CALN1: variants seen among roughly 807,000 people sequenced by gnomAD.
CALN1 encodes calcium-binding protein 8.
In CALN1, 17 loss-of-function variants were observed where a neutral mutation model predicts 30.6. The observed-to-expected ratio is 0.56, with a 90% CI of 0.38 to 0.83. The LOEUF (loss-of-function observed/expected upper bound fraction) is 0.83. CALN1 is among the 40% of genes least tolerant of loss of function. CALN1 has a pLI of 0.00. For synonymous variants in CALN1, 156 were observed against 131.4 expected (o/e 1.19, Z -1.28); for missense variants, 291 against 354.9 (o/e 0.82, Z 1.45).
At chr7:72,407,332 C>G (rs1393014022) in intron 1 of CALN1, among the ~76,000 whole-genome samples, 2 of 152,154 alleles carry the variant, frequency 1.3e-5, no homozygotes, top group African/African-American at 4.8e-5. Flanking sequence ...CATATGCTAG[C>G]CACCTGATAC....
At chr7:72,297,332 G>C (rs1798934968) in intron 2 of CALN1, among the ~76,000 whole-genome samples, 2 of 152,084 alleles carry the variant, frequency 1.3e-5, no homozygotes, top group Non-Finnish European at 2.9e-5. Flanking sequence ...AGGAAATAAT[G>C]AAAGTGAATT....
chr7:72,344,828 A>G (rs1165130506), intron 2 of CALN1, among the ~76,000 whole-genome samples: 1 of 147,674 alleles, frequency 6.8e-6, no homozygotes, highest in Non-Finnish European at 1.5e-5. Flanking sequence ...TAAATATTAT[A>G]CATTAAAAAA....
At chr7:72,106,854 A>AGGGG (rs1807192616) in intron 3 of CALN1, among the ~76,000 whole-genome samples, 3 of 82,308 alleles carry the variant, frequency 3.6e-5, no homozygotes, top group Admixed American at 1.1e-4. Context: ...AGGAGGAGGG[A>AGGGG]AGGAAGGAGG....
intron 5 of CALN1, among the ~76,000 whole-genome samples, chr7:71,953,103 C>A (rs893016439): frequency 6.6e-6 from 1 of 151,998 alleles, no homozygotes; most frequent in Non-Finnish European, 1.5e-5. Flanking sequence ...ACTACAGGCA[C>A]GCACCACTAC....
chr7:72,356,392 G>A (rs1803231124), intron 2 of CALN1, among the ~76,000 whole-genome samples: 1 of 151,964 alleles, frequency 6.6e-6, no homozygotes, highest in South Asian at 2.1e-4. Flanking sequence ...CAAAATGTAG[G>A]AATGGGGTAA....
intron 3 of CALN1, among the ~76,000 whole-genome samples, chr7:72,278,471 G>GCACACA (rs1562830253): frequency 1.7e-4 from 16 of 93,224 alleles, no homozygotes; most frequent in Middle Eastern, 4.6e-3. Context: ...TATCAGGTCT[G>GCACACA]TACACACACA....
chr7:72,482,893 ATGCTTT>A, the CALN1 span, among the ~76,000 whole-genome samples: 1 of 152,116 alleles, frequency 6.6e-6, no homozygotes, highest in East Asian at 1.9e-4. Context: ...TATTGCAGAT[ATGCTTT>A]TTGATTAATT....
At chr7:71,820,031 A>G (rs1472469811) in intron 5 of CALN1, among the ~76,000 whole-genome samples, 1 of 152,182 alleles carries the variant, frequency 6.6e-6, no homozygotes, top group Admixed American at 6.5e-5. Context: ...CCAAATATTA[A>G]AGTTAATTAA....
intron 3 of CALN1, among the ~76,000 whole-genome samples, chr7:72,182,769 T>TAA (rs111446877): frequency 0.43 from 60,898 of 142,910 alleles, 13,751 homozygotes; most frequent in East Asian, 0.93. Context: ...ACCAATGTTG[T>TAA]AAAAAAAAAA....
the CALN1 span, among the ~76,000 whole-genome samples, chr7:72,460,209 AG>A: frequency 6.6e-6 from 1 of 152,184 alleles, no homozygotes; most frequent in African/African-American, 2.4e-5. Context: ...ACCTCCCACC[AG>A]GCCCCACCTC....
the CALN1 span, among the ~76,000 whole-genome samples, chr7:72,487,917 AGAAG>A: frequency 0.015 from 934 of 62,150 alleles, 19 homozygotes; most frequent in Middle Eastern, 0.033. Context: ...AAAGAAAGAA[AGAAG>A]GAAGGAAGGA....
intron 2 of CALN1, among the ~76,000 whole-genome samples, chr7:72,340,628 G>T (rs1442914517): frequency 6.6e-6 from 1 of 152,156 alleles, no homozygotes; most frequent in Non-Finnish European, 1.5e-5. Context: ...GAGCAGCCCA[G>T]TGACATGCTT....
chr7:72,232,301 C>T (rs568181076), intron 3 of CALN1, among the ~76,000 whole-genome samples: 2 of 152,124 alleles, frequency 1.3e-5, no homozygotes, highest in East Asian at 1.9e-4. Flanking sequence ...AATCCAGGTC[C>T]GGGAAGAAGA....
chr7:72,070,758 C>G (rs1182898115), intron 4 of CALN1, among the ~76,000 whole-genome samples: 1 of 152,116 alleles, frequency 6.6e-6, no homozygotes, highest in Non-Finnish European at 1.5e-5. Context: ...ATCTCGTCCC[C>G]CTGTTAGACT....
In CALN1 at chr7:71,823,513, T is replaced by A. The variant is rs549291684; in HGVS notation, c.502-13021A>T. 2.0e-5 allele frequency among the ~76,000 whole-genome samples: 3 copies of A among 151,806 alleles called. No individual in the cohort carries two copies. The South Asian group carries it at 6.3e-4, about 32-fold the overall frequency. On this transcript the variant is annotated intron_variant, in intron 5 of 6. Transcript: ENST00000395275. ...GGCAGGCGGATCACAAGGTCAGGAG[T>A]TCGAGACCAGCCTGGCCAATATGGT... is the stretch of plus-strand genomic sequence containing the variant.
At chr7:71,847,126 C>T in intron 5 of CALN1, among the ~76,000 whole-genome samples, 1 of 151,654 alleles carries the variant, frequency 6.6e-6, no homozygotes, top group Non-Finnish European at 1.5e-5. Flanking sequence ...CCAGGAAGAG[C>T]CCATGTTTCA....
At position 72,100,688 on chromosome 7, in the gene CALN1, C is replaced by T. The variant is rs905386700; in HGVS notation, c.388+5463G>A. On this transcript the variant is annotated intron_variant, in intron 4 of 6. Transcript: ENST00000395275. ...AAAGAAAACTAGCCGGGCGTGGTGG[C>T]GGGTGCCTGTAGTCCCAGCTACTTG... Among the ~76,000 whole-genome samples, 9 of 151,590 alleles carry T rather than the reference C, an allele frequency of 5.9e-5. No individual in the cohort carries two copies. In the East Asian group the frequency reaches 1.8e-3, roughly 30 times the overall value.
At chr7:72,485,439 TTTTAA>T in the CALN1 span, among the ~76,000 whole-genome samples, 1 of 152,254 alleles carries the variant, frequency 6.6e-6, no homozygotes, top group Non-Finnish European at 1.5e-5. Flanking sequence ...GTTTTTGCTA[TTTTAA>T]TTTAATCATT....
At chr7:72,354,425 G>A (rs1362232937) in intron 2 of CALN1, among the ~76,000 whole-genome samples, 1 of 152,116 alleles carries the variant, frequency 6.6e-6, no homozygotes, top group Non-Finnish European at 1.5e-5. Context: ...CTAATAAGCT[G>A]TTTTGCAAAA....
Sources: gnomAD v4.1 joint callset for allele counts (sites outside exome capture counted in the v4.1 genomes callset) on GRCh38, gnomAD v4.1.1 for gene constraint, MANE v1.5 for transcripts, NCBI Gene and HGNC (gene_info 2026-07-23, HGNC 2026-07-21) for gene names.